Variants in STXBP3 observed in about 807,000 individuals in gnomAD.
STXBP3 encodes the protein syntaxin-binding protein 3.
In STXBP3, 41 loss-of-function variants were observed where a neutral mutation model predicts 85.7. The ratio of observed to expected loss-of-function variants is 0.48; its 90% CI spans 0.37 to 0.62. The LOEUF is 0.62. Among genes scored for constraint, STXBP3 ranks in the 20% least tolerant of loss-of-function variants. STXBP3 has a pLI of 0.00. For missense variants in STXBP3, 563 were observed against 703.1 expected, an observed-to-expected ratio of 0.80 and a Z score of 2.25; for synonymous variants, 229 against 231.7, an observed-to-expected ratio of 0.99 and a Z score of 0.10.
Position 108,800,866 on chromosome 1 carries a change from A to G in STXBP3, c.1535+561A>G, listed in dbSNP as rs150194762. ...GCCTTTAACTGTGTTGTGTCTAGGT[A>G]TAGTTCTCTTTGTGTTTATTCTACC... On this transcript the variant is annotated intron_variant, in intron 17 of 18. Transcript: ENST00000370008. Among the ~76,000 whole-genome samples the G allele has an allele frequency of 7.0e-4, 107 of 152,300 alleles. 2 individuals are homozygous for G. The East Asian group carries it at 0.019, about 27-fold the overall frequency.
At chr1:108,784,282 G>T (rs1662782219) in intron 11 of STXBP3, among the ~76,000 whole-genome samples, 1 of 152,098 alleles carries the variant, frequency 6.6e-6, no homozygotes, top group African/African-American at 2.4e-5. Context: ...CTGAGACTGG[G>T]TAATTTATAA....
intron 18 of STXBP3, 55 bp downstream of exon 18, chr1:108,807,604 C>G: frequency 2.0e-6 from 3 of 1,491,976 alleles, no homozygotes; most frequent in African/African-American, 1.5e-5. Flanking sequence ...GAGACTAAGT[C>G]TCGGTCTTGT....
chr1:108,786,565 G>T (rs987524992), intron 11 of STXBP3, among the ~76,000 whole-genome samples: 2 of 152,196 alleles, frequency 1.3e-5, no homozygotes, highest in Non-Finnish European at 2.9e-5. Context: ...CCATTGAGTT[G>T]CAGTAATGCA....
Position 108,792,303 on chromosome 1 carries a change from C to T in STXBP3, c.964-1279C>T, listed in dbSNP as rs1161624435. Among the ~76,000 whole-genome samples the T allele has an allele frequency of 9.9e-5, 15 of 152,104 alleles. No individual in the cohort carries two copies. In the East Asian group the frequency reaches 2.9e-3, roughly 29 times the overall value. On this transcript the variant is annotated intron_variant, in intron 11 of 18. Coordinates refer to ENST00000370008, the MANE Select transcript of STXBP3 (RefSeq NM_007269.4). Reference sequence around the variant, plus strand: ...AAATGTGTTACTTTGAAGTCTTTTTCTGCCAACAACATCTTAGGTCTACTT... The same window carrying T: ...AAATGTGTTACTTTGAAGTCTTTTTTTGCCAACAACATCTTAGGTCTACTT...
chr1:108,747,456 C>T (rs1661815791), intron 1 of STXBP3, among the ~76,000 whole-genome samples: 1 of 152,142 alleles, frequency 6.6e-6, no homozygotes, highest in South Asian at 2.1e-4. Flanking sequence ...CCCCTCCCTG[C>T]TGTTAGGACC....
At chr1:108,802,011 C>T (rs1468521129) in intron 17 of STXBP3, among the ~76,000 whole-genome samples, 1 of 152,092 alleles carries the variant, frequency 6.6e-6, no homozygotes, top group Non-Finnish European at 1.5e-5. Flanking sequence ...TCAGGTTTTC[C>T]CCACACATGC....
At chr1:108,766,415 T>C (rs955135143) in intron 6 of STXBP3, among the ~76,000 whole-genome samples, 1 of 152,232 alleles carries the variant, frequency 6.6e-6, no homozygotes, top group South Asian at 2.1e-4. Flanking sequence ...GATAAGTCTC[T>C]ATGTTTTAGA....
intron 1 of STXBP3, among the ~76,000 whole-genome samples, chr1:108,749,320 G>C (rs1322569584): frequency 6.6e-6 from 1 of 152,198 alleles, no homozygotes; most frequent in African/African-American, 2.4e-5. Flanking sequence ...CTTGAGACAT[G>C]TAGCTGCTTG....
chr1:108,769,486 A>G (rs1460681491), intron 6 of STXBP3, among the ~76,000 whole-genome samples: 2 of 152,236 alleles, frequency 1.3e-5, no homozygotes, highest in Non-Finnish European at 2.9e-5. Context: ...AGTCTGGTAC[A>G]GTTAGTAGAG....
Position 108,798,182 on chromosome 1 carries a change from C to T in STXBP3, c.1394C>T (p.Ala465Val), listed in dbSNP as rs1327451710. ...QGKPLRKDRS[A>V]EETFQLSRWT... is the part of the protein sequence containing the mutation. ...AAACCGTTAAGAAAGGATCGGTCTG[C>T]AGAAGAAACTTTTCAGCTCTCTCGG... The change falls in exon 16 of 19, where the codon GCA (alanine) becomes GTA (valine). Residue 465 changes from alanine to valine, a missense_variant. Physicochemically the swap from Ala to Val is moderately conservative, Grantham distance 64. Around this residue, in one of 3 missense-constraint regions of STXBP3, gnomAD observed 494 missense variants for 592.8 expected, o/e 0.83. Coordinates refer to ENST00000370008, the MANE Select transcript of STXBP3 (RefSeq NM_007269.4). 4 of 1,611,646 alleles carry T rather than the reference C, an allele frequency of 2.5e-6. No homozygotes were observed. The highest frequency in any genetic ancestry group is 3.4e-6 in the Non-Finnish European group (4 of 1,179,246).
At position 108,758,597 on chromosome 1, in the gene STXBP3, T is replaced by G. The variant is rs1662067436; in HGVS notation, c.337+9T>G. 6.9e-7 allele frequency: 1 copy of G among 1,441,702 alleles called. No homozygotes were observed. Among genetic ancestry groups the G allele is most frequent in the African/African-American group, 1.4e-5 (1 of 69,846 alleles). 89.3% of individuals were successfully genotyped at this position (1,441,702 alleles called of 1,614,324 possible). ...TATTTACTTCACTGACTGTAAGTCTTTTAAAAAGTTATTGCTTCATTGTTC... is the reference window on the plus strand; with the variant it reads ...TATTTACTTCACTGACTGTAAGTCTGTTAAAAAGTTATTGCTTCATTGTTC... On this transcript the variant is annotated intron_variant, in intron 5 of 18. Coordinates refer to ENST00000370008, the MANE Select transcript of STXBP3 (RefSeq NM_007269.4).
intron 8 of STXBP3, among the ~76,000 whole-genome samples, chr1:108,777,983 A>G (rs1662623871): frequency 6.6e-6 from 1 of 152,124 alleles, no homozygotes; most frequent in Admixed American, 6.6e-5. Flanking sequence ...AGATTCCATA[A>G]TTGTGGTTCA....
intron 6 of STXBP3, among the ~76,000 whole-genome samples, chr1:108,765,472 T>C (rs531814387): frequency 3.9e-5 from 6 of 152,032 alleles, no homozygotes; most frequent in South Asian, 2.1e-4. Context: ...TGGGAAAAGA[T>C]AGTGAAAATA....
chr1:108,775,920 AACACAC>A (rs59575550), intron 7 of STXBP3, among the ~76,000 whole-genome samples: 56 of 150,094 alleles, frequency 3.7e-4, no homozygotes, highest in African/African-American at 1.1e-3. Context: ...ATAAATCTCA[AACACAC>A]ACACACACAC....
Position 108,772,839 on chromosome 1 carries a change from C to T in STXBP3, c.593+20C>T. On this transcript the variant is annotated intron_variant, in intron 7 of 18. Coordinates refer to ENST00000370008, the MANE Select transcript of STXBP3 (RefSeq NM_007269.4). ...TAAAAGGTAAGACACTGAGCATCTG[C>T]ACATGTTATGCTTCCTATTTACCAT... is the stretch of plus-strand genomic sequence containing the variant. 6.4e-7 allele frequency: 1 copy of T among 1,561,444 alleles called. No individual in the cohort carries two copies. The highest frequency in any genetic ancestry group is 2.4e-5 in the East Asian group (1 of 41,442).
At chr1:108,804,365 C>T (rs1389900958) in intron 17 of STXBP3, among the ~76,000 whole-genome samples, 1 of 151,792 alleles carries the variant, frequency 6.6e-6, no homozygotes, top group Non-Finnish European at 1.5e-5. Context: ...TCTCATGTTT[C>T]TTTTTTAAAC....
Position 108,746,734 on chromosome 1 carries a change from G to A in STXBP3, c.-4G>A. 1 of 1,550,248 alleles carries A rather than the reference G, an allele frequency of 6.5e-7. No individual in the cohort carries two copies. The highest frequency in any genetic ancestry group is 1.2e-5 in the South Asian group (1 of 84,038). On this transcript the variant is annotated 5_prime_UTR_variant, in exon 1 of 19. Transcript: ENST00000370008. ...GGTGGCTGCTGCTCCGCAGTGTCGGGAAGATGGCGCCGCCGGTGGCAGAGA... is the reference window on the plus strand; with the variant it reads ...GGTGGCTGCTGCTCCGCAGTGTCGGAAAGATGGCGCCGCCGGTGGCAGAGA...
At chr1:108,753,185 TGGG>T (rs1467129537) in intron 3 of STXBP3, 41 bp downstream of exon 3, 17 of 1,413,654 alleles carry the variant, frequency 1.2e-5, no homozygotes, top group African/African-American at 1.5e-5. Flanking sequence ...TAATTGTAAT[TGGG>T]GGAGATCTGA....
chr1:108,765,591 T>TTTTTTTTC lies in STXBP3; in HGVS notation c.438+5507_438+5508insTTTTTTCT, dbSNP rs796642937. The stretch of plus-strand genomic sequence containing the variant: ...GCTAATTTTTTTTTTTTTTTTTTTT[T>TTTTTTTTC]TGAGACGGAGTCTCATTCCATCATC... On this transcript the variant is annotated intron_variant, in intron 6 of 18. Transcript: ENST00000370008. Among the ~76,000 whole-genome samples the TTTTTTTTC allele has an allele frequency of 1.6e-3, 199 of 122,680 alleles. 18 individuals carry two copies. Among genetic ancestry groups the TTTTTTTTC allele is most frequent in the Non-Finnish European group, 1.9e-3 (113 of 59,592 alleles). The allele number at this position is 122,680 out of a possible 152,430, so 80.5% of individuals were successfully genotyped here.
Sources: allele counts gnomAD v4.1 joint callset (sites outside exome capture counted in the v4.1 genomes callset), GRCh38; gene constraint gnomAD v4.1.1; regional missense constraint gnomAD v4.1.1; transcripts MANE v1.5; gene names NCBI Gene and HGNC (gene_info 2026-07-23, HGNC 2026-07-21).